Variants in MCPH1 observed in about 807,000 individuals in gnomAD.
MCPH1 encodes the protein microcephalin 1, also known as microcephalin.
A neutral mutation model predicts 84.5 loss-of-function variants in MCPH1; 104 were observed. The observed-to-expected ratio is 1.23, with a 90% confidence interval of 1.05 to 1.45. The LOEUF is 1.45. MCPH1 is among the 40% of genes most tolerant of loss of function. MCPH1 has a pLI of 0.00. For missense variants in MCPH1, 1,498 were observed against 1,005.7 expected, an observed-to-expected ratio of 1.49 and a Z score of -6.62; for synonymous variants, 514 against 366.8, an observed-to-expected ratio of 1.40 and a Z score of -4.58.
In MCPH1 at chr8:6,439,371, T is replaced by TAA. The variant is rs1253592555; in HGVS notation, c.580+275_580+276insAA. Among the ~76,000 whole-genome samples the TAA allele has an allele frequency of 7.9e-4, 60 of 75,924 alleles. No individual in the cohort carries two copies. The Admixed American group carries it at 9.9e-3, about 13-fold the overall frequency. The allele number at this position is 75,924 out of a possible 152,430, so 49.8% of individuals were successfully genotyped here. A position where few individuals can be genotyped will look rare whatever the true frequency, so the allele number is the denominator to read the frequency against. ...TTTGGAATTTTTTCTTTCTTTTTTT[T>TAA]TAAAAAAAAATGAATCATGTCTTTT... On this transcript the variant is annotated intron_variant, in intron 6 of 13. Transcript: ENST00000344683.
intron 12 of MCPH1, among the ~76,000 whole-genome samples, chr8:6,521,725 G>C (rs1031147901): frequency 6.6e-6 from 1 of 152,232 alleles, no homozygotes; most frequent in African/African-American, 2.4e-5. Context: ...GCAGCGCTCA[G>C]AAGAAAGGTG....
intron 12 of MCPH1, among the ~76,000 whole-genome samples, chr8:6,553,482 C>T (rs550279090): frequency 3.9e-5 from 6 of 152,188 alleles, no homozygotes; most frequent in African/African-American, 1.4e-4. Flanking sequence ...CGGCTTCACA[C>T]GTCAACATTT....
chr8:6,574,762 G>A (rs1315787287), intron 12 of MCPH1, among the ~76,000 whole-genome samples: 1 of 152,170 alleles, frequency 6.6e-6, no homozygotes, highest in African/African-American at 2.4e-5. Flanking sequence ...TAAGGACCAG[G>A]AGAGAAAGTG....
intron 12 of MCPH1, among the ~76,000 whole-genome samples, chr8:6,602,136 C>G (rs1563174672): frequency 6.6e-6 from 1 of 152,166 alleles, no homozygotes; most frequent in Non-Finnish European, 1.5e-5. Context: ...GCACAAAGTG[C>G]AGTGAGAGCC....
At chr8:6,435,085 T>TGGG (rs905163402) in intron 4 of MCPH1, among the ~76,000 whole-genome samples, 2 of 152,172 alleles carry the variant, frequency 1.3e-5, no homozygotes, top group African/African-American at 4.8e-5. Flanking sequence ...GATATCAGCC[T>TGGG]GGGGTTTCAT....
At chr8:6,624,772 A>G in intron 13 of MCPH1, 1 of 978,734 alleles carries the variant, frequency 1.0e-6, no homozygotes, top group Non-Finnish European at 1.2e-6. Context: ...GTCCATACAT[A>G]CACACGTAAA....
intron 11 of MCPH1, among the ~76,000 whole-genome samples, chr8:6,482,844 C>T (rs1809409069): frequency 6.6e-6 from 1 of 152,212 alleles, no homozygotes; most frequent in South Asian, 2.1e-4. Flanking sequence ...ATAAACTTCT[C>T]ACCTTTAGTC....
intron 12 of MCPH1, among the ~76,000 whole-genome samples, chr8:6,620,468 C>T (rs757681036): frequency 6.6e-6 from 1 of 152,100 alleles, no homozygotes; most frequent in African/African-American, 2.4e-5. Flanking sequence ...CCCCTGCCTC[C>T]GAGGTCAGCC....
intron 12 of MCPH1, among the ~76,000 whole-genome samples, chr8:6,519,488 A>G (rs1378339687): frequency 6.6e-6 from 1 of 152,222 alleles, no homozygotes; most frequent in African/African-American, 2.4e-5. Context: ...TGACACCTCT[A>G]TGGCTGATGC....
At chr8:6,481,890 C>T (rs1223815678) in intron 11 of MCPH1, among the ~76,000 whole-genome samples, 1 of 152,128 alleles carries the variant, frequency 6.6e-6, no homozygotes, top group African/African-American at 2.4e-5. Context: ...TTTCAGGTAC[C>T]ATGGTCTGAA....
chr8:6,450,504 C>T (rs1804971116), intron 8 of MCPH1, among the ~76,000 whole-genome samples: 1 of 148,842 alleles, frequency 6.7e-6, no homozygotes, highest in Admixed American at 6.8e-5. Context: ...GGATACCAGC[C>T]ACAACTCATA....
At chr8:6,522,308 T>C (rs956580423) in intron 12 of MCPH1, among the ~76,000 whole-genome samples, 12 of 151,088 alleles carry the variant, frequency 7.9e-5, no homozygotes, top group Non-Finnish European at 1.3e-4. Flanking sequence ...TGAGCTGAGA[T>C]CATGCCACTG....
At chr8:6,429,361 C>G (rs943454787) in intron 3 of MCPH1, among the ~76,000 whole-genome samples, 1 of 151,986 alleles carries the variant, frequency 6.6e-6, no homozygotes, top group Non-Finnish European at 1.5e-5. Flanking sequence ...AGGAGAGTCG[C>G]TCCCTCTTTT....
At chr8:6,494,579 C>T (rs1256043680) in intron 11 of MCPH1, 3 of 152,204 alleles carry the variant, frequency 2.0e-5, no homozygotes, top group Non-Finnish European at 4.4e-5. Flanking sequence ...TGACGCTGAT[C>T]ACTAGCCTTC....
chr8:6,490,884 G>A (rs1225702404), intron 11 of MCPH1, among the ~76,000 whole-genome samples: 1 of 151,466 alleles, frequency 6.6e-6, no homozygotes, highest in African/African-American at 2.4e-5. Flanking sequence ...AAGTTTCTCT[G>A]CCAGAATATT....
At chr8:6,447,632 C>T (rs1377633172) in intron 8 of MCPH1, among the ~76,000 whole-genome samples, 1 of 152,156 alleles carries the variant, frequency 6.6e-6, no homozygotes, top group Admixed American at 6.5e-5. Flanking sequence ...CTCACTGCAA[C>T]CTCCGCCTCC....
At chr8:6,503,279 A>G (rs1283370883) in intron 12 of MCPH1, 4 of 1,613,840 alleles carry the variant, frequency 2.5e-6, no homozygotes, top group Non-Finnish European at 3.4e-6. Flanking sequence ...AGTAAAACAC[A>G]GAAGGAATTA....
chr8:6,408,834 A>G (rs558083553), intron 1 of MCPH1, among the ~76,000 whole-genome samples: 14 of 151,854 alleles, frequency 9.2e-5, no homozygotes, highest in African/African-American at 3.4e-4. Context: ...GAGTGCTGCA[A>G]TTACAGCATG....
intron 9 of MCPH1, among the ~76,000 whole-genome samples, chr8:6,466,200 G>T (rs2442498): frequency 7.1e-6 from 1 of 140,238 alleles, no homozygotes; most frequent in Non-Finnish European, 1.5e-5. Context: ...GCAGTTGCGC[G>T]ATCTTTGCTC....
Sources: allele counts gnomAD v4.1 joint callset (sites outside exome capture counted in the v4.1 genomes callset), GRCh38; gene constraint gnomAD v4.1.1; transcripts MANE v1.5; gene names NCBI Gene and HGNC (gene_info 2026-07-23, HGNC 2026-07-21).